The following VOPP1 variants were observed in gnomAD, a reference collection of about 807,000 sequenced individuals.
VOPP1 encodes the protein VOPP1 WW domain binding protein, also known as WW domain binding protein VOPP1.
VOPP1 carries 8 observed loss-of-function variants against 23.5 expected under a neutral mutation model. The observed-to-expected ratio is 0.34, with a 90% CI of 0.20 to 0.61. VOPP1 has a LOEUF of 0.61. Among genes scored for constraint, VOPP1 ranks in the 20% least tolerant of loss-of-function variants. VOPP1 has a pLI of 0.78. For synonymous variants in VOPP1, 83 were observed against 97.3 expected, an observed-to-expected ratio of 0.85 and a Z score of 0.86; for missense variants, 174 against 238.1, an observed-to-expected ratio of 0.73 and a Z score of 1.77.
rs1301378250 is a variant in VOPP1 at position 55,463,600 on chromosome 7, G to A, written n.418-27426C>T. 3.3e-5 allele frequency among the ~76,000 whole-genome samples: 5 copies of A among 152,336 alleles called. No individual in the cohort carries two copies. The South Asian group carries it at 6.2e-4, about 19-fold the overall frequency. ...TTGGCTGTGGTTGTTTGGGGAGGCT[G>A]TGGCGAGGCTTTGCTGGGGATGGGG... On this transcript the variant is annotated intron_variant and non_coding_transcript_variant, in intron 4 of 4. Coordinates refer to the VOPP1 transcript ENST00000462326.
intron 4 of VOPP1, among the ~76,000 whole-genome samples, chr7:55,477,290 C>T (rs1792331383): frequency 6.6e-6 from 1 of 152,214 alleles, no homozygotes; most frequent in Non-Finnish European, 1.5e-5. Context: ...CCCTGGTTCC[C>T]TGAGAGCCCA....
intron 4 of VOPP1, among the ~76,000 whole-genome samples, chr7:55,449,135 G>A (rs1791176260): frequency 6.6e-6 from 1 of 152,226 alleles, no homozygotes; most frequent in South Asian, 2.1e-4. Context: ...ATAAAGGCAT[G>A]GGTTTGGTTT....
rs548573483 is a variant in VOPP1, at chr7:55,445,941, T to C, written n.418-9767A>G. Among the ~76,000 whole-genome samples the C allele has an allele frequency of 2.0e-5, 3 of 151,972 alleles. No homozygotes were observed. In the South Asian group the frequency reaches 6.2e-4, roughly 32 times the overall value. ...GTGCCTGTGTAGAACATTTCCATCCTCATAGAAAGTTCTATTGGATAACAC... is the reference window on the plus strand; with the variant it reads ...GTGCCTGTGTAGAACATTTCCATCCCCATAGAAAGTTCTATTGGATAACAC... On this transcript the variant is annotated intron_variant and non_coding_transcript_variant, in intron 4 of 4. Coordinates refer to the VOPP1 transcript ENST00000462326.
Position 55,537,615 on chromosome 7 carries a change from C to T in VOPP1, c.55-16485G>A. Reference sequence around the variant, plus strand: ...CACTGCTGGGTCACACGCAGCCCTCCAATACGGAGCACACATAAATAAAGC... The same window carrying T: ...CACTGCTGGGTCACACGCAGCCCTCTAATACGGAGCACACATAAATAAAGC... On this transcript the variant is annotated intron_variant, in intron 1 of 4. Transcript: ENST00000285279. 2.0e-6 allele frequency: 3 copies of T among 1,534,484 alleles called. No individual in the cohort carries two copies. The South Asian group carries it at 3.6e-5, about 18-fold the overall frequency.
At chr7:55,519,097 G>GT (rs1285368237) in intron 2 of VOPP1, among the ~76,000 whole-genome samples, 1 of 152,212 alleles carries the variant, frequency 6.6e-6, no homozygotes, top group Non-Finnish European at 1.5e-5. Context: ...GGGGCCTGGA[G>GT]TAAGTACTCA....
At chr7:55,467,780 C>A (rs573923339), downstream of VOPP1, among the ~76,000 whole-genome samples, 5 of 152,222 alleles carry the variant, frequency 3.3e-5, no homozygotes, top group African/African-American at 1.2e-4. Context: ...GCTGCTCAGC[C>A]TCTTCTGGCT....
chr7:55,456,907 C>T (rs930402311), intron 4 of VOPP1, among the ~76,000 whole-genome samples: 2 of 152,128 alleles, frequency 1.3e-5, no homozygotes, highest in Non-Finnish European at 2.9e-5. Flanking sequence ...ATGTGACAAA[C>T]CTGCACGTTC....
At chr7:55,564,243 G>GTCTCTGTCTCTGTCTC (rs1554302403) in intron 1 of VOPP1, among the ~76,000 whole-genome samples, 22 of 125,984 alleles carry the variant, frequency 1.7e-4, no homozygotes, top group East Asian at 9.3e-4. Flanking sequence ...CTCTGTCTCT[G>GTCTCTGTCTCTGTCTC]TCTCTCTCTC....
At chr7:55,485,804 CCA>C (rs1274137676) in intron 4 of VOPP1, among the ~76,000 whole-genome samples, 9 of 152,240 alleles carry the variant, frequency 5.9e-5, no homozygotes, top group Non-Finnish European at 1.2e-4. Flanking sequence ...CAAGGGACCT[CCA>C]GTCTTGTTTG....
intron 1 of VOPP1, among the ~76,000 whole-genome samples, chr7:55,545,811 C>T (rs1185971639): frequency 6.6e-6 from 1 of 152,072 alleles, no homozygotes; most frequent in East Asian, 1.9e-4. Context: ...GGTGCAGTGA[C>T]TCACACCAGC....
chr7:55,441,433 G>A (rs1422327199), intron 4 of VOPP1, among the ~76,000 whole-genome samples: 2 of 152,342 alleles, frequency 1.3e-5, no homozygotes, highest in East Asian at 3.9e-4. Context: ...CTGGGCAGGT[G>A]AGGGTGTGAT....
chr7:55,562,820 G>C (rs1798032969), intron 1 of VOPP1, among the ~76,000 whole-genome samples: 1 of 152,178 alleles, frequency 6.6e-6, no homozygotes, highest in Non-Finnish European at 1.5e-5. Context: ...CCCAACCAAA[G>C]TTTGGTCAAG....
At chr7:55,571,244 G>A (rs1562639551) in intron 1 of VOPP1, among the ~76,000 whole-genome samples, 1 of 152,210 alleles carries the variant, frequency 6.6e-6, no homozygotes, top group Non-Finnish European at 1.5e-5. Context: ...TTGTCCACCA[G>A]CCTTCCTTTC....
chr7:55,525,904 G>A lies in VOPP1; in HGVS notation c.55-4774C>T, dbSNP rs148826871. ...AAAAGTCAGTCTACCCACATTTTGC[G>A]AAGATACTACTACCATGATTTCTTA... On this transcript the variant is annotated intron_variant, in intron 1 of 4. Coordinates refer to ENST00000285279, the MANE Select transcript of VOPP1 (RefSeq NM_030796.5). 1.3e-3 allele frequency among the ~76,000 whole-genome samples: 202 copies of A among 150,910 alleles called. 1 individual carries two copies. Among genetic ancestry groups the A allele is most frequent in the African/African-American group, 4.8e-3 (196 of 41,152 alleles).
chr7:55,545,397 G>C (rs940337839), intron 1 of VOPP1, among the ~76,000 whole-genome samples: 7 of 152,134 alleles, frequency 4.6e-5, no homozygotes, highest in African/African-American at 1.4e-4. Context: ...TGGGAGGCCT[G>C]TCTTGATGTC....
At chr7:55,543,628 G>A (rs921513793) in intron 1 of VOPP1, among the ~76,000 whole-genome samples, 5 of 150,764 alleles carry the variant, frequency 3.3e-5, no homozygotes, top group African/African-American at 1.2e-4. Flanking sequence ...ATATCTCATG[G>A]TTTTGATTTG....
intron 1 of VOPP1, among the ~76,000 whole-genome samples, chr7:55,522,686 A>C (rs921422667): frequency 3.9e-5 from 6 of 152,270 alleles, no homozygotes; most frequent in African/African-American, 1.2e-4. Flanking sequence ...ACATCAGAAC[A>C]CAAGCCTGAA....
chr7:55,560,393 G>A (rs745527814), intron 1 of VOPP1, among the ~76,000 whole-genome samples: 3 of 152,156 alleles, frequency 2.0e-5, no homozygotes, highest in Non-Finnish European at 4.4e-5. Context: ...ATTCAGGTGG[G>A]CCCAATGTAA....
At chr7:55,457,828 G>C (rs1791406838) in intron 4 of VOPP1, among the ~76,000 whole-genome samples, 1 of 151,442 alleles carries the variant, frequency 6.6e-6, no homozygotes, top group Non-Finnish European at 1.5e-5. Flanking sequence ...TGAATTCCTT[G>C]TATATTCTCA....
Sources: allele counts gnomAD v4.1 joint callset (sites outside exome capture counted in the v4.1 genomes callset), GRCh38; gene constraint gnomAD v4.1.1; transcripts MANE v1.5; gene names NCBI Gene and HGNC (gene_info 2026-07-23, HGNC 2026-07-21).